The following PEBP4 variants were observed in gnomAD, a reference collection of about 807,000 sequenced individuals.
PEBP4 encodes the protein phosphatidylethanolamine binding protein 4, also known as phosphatidylethanolamine-binding protein 4.
Under a neutral mutation model 23.9 loss-of-function variants are expected in PEBP4, and 22 were observed. That is an observed-to-expected ratio of 0.92 (90% CI 0.66 to 1.31). PEBP4 has a LOEUF of 1.31. PEBP4 is among the 40% of genes most tolerant of loss of function. The probability of loss-of-function intolerance (pLI) is 0.00; values close to 1 mark genes in which losing one functional copy is unlikely to be tolerated. For synonymous variants in PEBP4, 112 were observed against 99.3 expected, an observed-to-expected ratio of 1.13 and a Z score of -0.76; for missense variants, 324 against 281.7, an observed-to-expected ratio of 1.15 and a Z score of -1.07.
chr8:22,871,282 T>C (rs960169215), intron 3 of PEBP4, among the ~76,000 whole-genome samples: 7 of 152,128 alleles, frequency 4.6e-5, no homozygotes, highest in Admixed American at 2.0e-4. Context: ...CCCTCTAGGC[T>C]TGGGCCCACA....
intron 3 of PEBP4, among the ~76,000 whole-genome samples, chr8:22,891,937 G>A (rs1808503045): frequency 6.6e-6 from 1 of 152,220 alleles, no homozygotes; most frequent in African/African-American, 2.4e-5. Flanking sequence ...GTCGGGTATG[G>A]TGACAGGCGC....
intron 4 of PEBP4, among the ~76,000 whole-genome samples, chr8:22,745,937 T>C (rs1217635322): frequency 6.6e-6 from 1 of 152,194 alleles, no homozygotes; most frequent in Non-Finnish European, 1.5e-5. Context: ...TCTGACTTCA[T>C]AGGCGAAGCT....
chr8:22,935,664 C>T (rs1809527845), intron 1 of PEBP4, among the ~76,000 whole-genome samples: 1 of 152,124 alleles, frequency 6.6e-6, no homozygotes, highest in African/African-American at 2.4e-5. Context: ...ACAGTCAAAA[C>T]TTTGTTTTAT....
intron 2 of PEBP4, chr8:22,925,391 CA>C (rs1809305179): frequency 3.2e-5 from 29 of 913,030 alleles, no homozygotes; most frequent in Non-Finnish European, 3.8e-5. Flanking sequence ...TGGAGTCAGA[CA>C]AGGGGGCTAG....
chr8:22,853,064 A>G (rs985980201), intron 3 of PEBP4, among the ~76,000 whole-genome samples: 1 of 152,238 alleles, frequency 6.6e-6, no homozygotes, highest in Non-Finnish European at 1.5e-5. Context: ...TCCAGCCCCC[A>G]TCTTGGGCTA....
At chr8:22,862,901 C>CTCCCA (rs1563241360) in intron 3 of PEBP4, among the ~76,000 whole-genome samples, 2 of 151,018 alleles carry the variant, frequency 1.3e-5, no homozygotes, top group Admixed American at 1.3e-4. Context: ...CCCAGGTTCA[C>CTCCCA]GTCATTCTCC....
chr8:22,810,711 TGTGA>T lies in PEBP4; in HGVS notation c.357+6922_357+6925del, dbSNP rs1227399824. Among the ~76,000 whole-genome samples the T allele has an allele frequency of 9.0e-4, 121 of 134,222 alleles. 1 individual carries two copies. The highest frequency in any genetic ancestry group is 2.5e-3 in the African/African-American group (83 of 33,316). 88.1% of individuals were successfully genotyped at this position (134,222 alleles called of 152,430 possible). A position where few individuals can be genotyped will look rare whatever the true frequency, so the allele number is the denominator to read the frequency against. ...GTGTGTGTGTGTGTGTGTGTGTGTG[TGTGA>T]GAGAGAGAGAGAGAAAGAGAAAGAA... On this transcript the variant is annotated intron_variant, in intron 4 of 6. Transcript: ENST00000256404.
chr8:22,857,687 G>C (rs1400539106), intron 3 of PEBP4, among the ~76,000 whole-genome samples: 1 of 152,212 alleles, frequency 6.6e-6, no homozygotes, highest in Non-Finnish European at 1.5e-5. Flanking sequence ...CAGGACCAAA[G>C]AGGGAGGTGG....
chr8:22,770,390 T>C (rs530759922), intron 4 of PEBP4, among the ~76,000 whole-genome samples: 1 of 152,222 alleles, frequency 6.6e-6, no homozygotes. Flanking sequence ...GCCAGCCTAG[T>C]CCCTGCTTCT....
chr8:22,922,242 G>T (rs1271309349), intron 2 of PEBP4, among the ~76,000 whole-genome samples: 1 of 152,090 alleles, frequency 6.6e-6, no homozygotes, highest in Non-Finnish European at 1.5e-5. Flanking sequence ...GCATGTGCAG[G>T]CCTCTGCCCT....
chr8:22,765,213 G>A (rs924271724), intron 4 of PEBP4, among the ~76,000 whole-genome samples: 8 of 151,444 alleles, frequency 5.3e-5, no homozygotes, highest in African/African-American at 7.3e-5. Flanking sequence ...GTGCAATCTC[G>A]GCTCACTGCA....
At chr8:22,846,939 A>T (rs1419083747) in intron 3 of PEBP4, among the ~76,000 whole-genome samples, 2 of 152,062 alleles carry the variant, frequency 1.3e-5, no homozygotes, top group African/African-American at 4.8e-5. Context: ...AGGTGGGAGG[A>T]TCACTTGAGC....
intron 3 of PEBP4, among the ~76,000 whole-genome samples, chr8:22,848,818 T>A (rs1421300849): frequency 6.6e-6 from 1 of 152,222 alleles, no homozygotes; most frequent in Non-Finnish European, 1.5e-5. Context: ...AAAGGCAGAC[T>A]GCTGAGGGAG....
rs551512965 is a variant in PEBP4 at position 22,903,495 on chromosome 8, T to C, written c.258+16689A>G. ...CTGAGGTTCAAATGTGTGGAGTCTC[T>C]CTCCTCACCCCCAGAGGCAGCAGTT... On this transcript the variant is annotated intron_variant, in intron 3 of 6. Coordinates refer to ENST00000256404, the MANE Select transcript of PEBP4 (RefSeq NM_144962.3). Among the ~76,000 whole-genome samples, 476 of 152,202 alleles carry C rather than the reference T, an allele frequency of 3.1e-3. 1 individual carries two copies. The highest frequency in any genetic ancestry group is 4.8e-3 in the Non-Finnish European group (327 of 68,002).
intron 4 of PEBP4, among the ~76,000 whole-genome samples, chr8:22,755,542 G>A (rs572724609): frequency 1.3e-5 from 2 of 152,046 alleles, no homozygotes; most frequent in South Asian, 2.1e-4. Context: ...TACCATGTTG[G>A]CCAGTCTGGT....
chr8:22,725,743 G>A (rs1466865705), intron 5 of PEBP4, among the ~76,000 whole-genome samples: 1 of 152,034 alleles, frequency 6.6e-6, no homozygotes, highest in Admixed American at 6.5e-5. Flanking sequence ...CCAGGCTGGA[G>A]CCAAGAATCT....
At chr8:22,804,312 C>A (rs1038431736) in intron 4 of PEBP4, among the ~76,000 whole-genome samples, 1 of 152,116 alleles carries the variant, frequency 6.6e-6, no homozygotes. Flanking sequence ...CCCTGGGCAA[C>A]AGAATGAGAC....
At chr8:22,860,887 C>G (rs1563240689) in intron 3 of PEBP4, among the ~76,000 whole-genome samples, 1 of 152,250 alleles carries the variant, frequency 6.6e-6, no homozygotes, top group East Asian at 1.9e-4. Context: ...TCATGACACA[C>G]TGTGCTGCCA....
chr8:22,845,100 C>T (rs893447068), intron 3 of PEBP4, among the ~76,000 whole-genome samples: 2 of 152,190 alleles, frequency 1.3e-5, no homozygotes, highest in African/African-American at 4.8e-5. Flanking sequence ...GCCAGCTCTC[C>T]ATTCTCTATC....
Sources: allele counts gnomAD v4.1 joint callset (sites outside exome capture counted in the v4.1 genomes callset), GRCh38; gene constraint gnomAD v4.1.1; transcripts MANE v1.5; gene names NCBI Gene and HGNC (gene_info 2026-07-23, HGNC 2026-07-21).